The following SPTBN1 variants were observed in gnomAD, a reference collection of about 807,000 sequenced individuals.
The protein encoded by SPTBN1 is spectrin beta, non-erythrocytic 1.
SPTBN1 carries 32 observed loss-of-function variants against 266.4 expected under a neutral mutation model. The observed-to-expected ratio is 0.12, with a 90% confidence interval of 0.09 to 0.16. The LOEUF (loss-of-function observed/expected upper bound fraction) is 0.16. Ranked by LOEUF, SPTBN1 falls within the 10% of genes least tolerant of loss-of-function variation. SPTBN1 has a pLI of 1.00. For missense variants in SPTBN1, 2,296 were observed against 3,067.1 expected (o/e 0.75, Z 5.94); for synonymous variants, 1,336 against 1,162.2 (o/e 1.15, Z -3.04).
Position 54,526,487 on chromosome 2 carries a change from C to T in SPTBN1, c.69C>T (p.Asn23=), listed in dbSNP as rs1027392030. 6.2e-7 allele frequency: 1 copy of T among 1,614,082 alleles called. No homozygotes were observed. Among genetic ancestry groups the T allele is most frequent in the Non-Finnish European group, 8.5e-7 (1 of 1,180,048 alleles). The change falls in exon 2 of 36, where the codon AAC becomes AAT. Residue 23 remains asparagine (N), a synonymous_variant. Transcript: ENST00000356805. The stretch of plus-strand genomic sequence containing the variant: ...AGCAGCAGTACAGTGATGTCAACAA[C>T]CGCTGGGATGTCGACGACTGGGACA... The part of the protein sequence containing the change: ...EIQQQYSDVN[N]RWDVDDWDNE...
At chr2:54,661,793 C>T in intron 32 of SPTBN1, 3 of 985,370 alleles carry the variant, frequency 3.0e-6, no homozygotes, top group East Asian at 1.1e-4. Context: ...CCCAATTTGA[C>T]ACTTTTTGTA....
At chr2:54,569,167 G>A (rs1016798623) in intron 2 of SPTBN1, among the ~76,000 whole-genome samples, 1 of 152,142 alleles carries the variant, frequency 6.6e-6, no homozygotes, top group African/African-American at 2.4e-5. Flanking sequence ...CCCCTGGGAA[G>A]AAGAAAGGAA....
intron 1 of SPTBN1, among the ~76,000 whole-genome samples, chr2:54,478,115 G>T (rs1254517232): frequency 1.3e-5 from 2 of 152,088 alleles, no homozygotes; most frequent in Middle Eastern, 3.2e-3. Flanking sequence ...CAGGAATCAG[G>T]CTTAATGTAT....
At chr2:54,492,482 C>T (rs1329084464) in intron 1 of SPTBN1, among the ~76,000 whole-genome samples, 7 of 151,952 alleles carry the variant, frequency 4.6e-5, no homozygotes. Flanking sequence ...TTACTTAACA[C>T]CTTTTTCAAA....
intron 2 of SPTBN1, among the ~76,000 whole-genome samples, chr2:54,586,777 TAGG>T (rs1359157704): frequency 1.3e-5 from 2 of 152,208 alleles, no homozygotes; most frequent in African/African-American, 4.8e-5. Flanking sequence ...CCTCATTAAA[TAGG>T]AGAGCTGTCG....
chr2:54,529,515 C>G, intron 2 of SPTBN1: 1 of 707,758 alleles, frequency 1.4e-6, no homozygotes, highest in South Asian at 1.4e-5. Flanking sequence ...CTCTGGAGGC[C>G]GCCCAGATAT....
At chr2:54,605,295 C>T (rs928608269) in intron 3 of SPTBN1, among the ~76,000 whole-genome samples, 3 of 152,182 alleles carry the variant, frequency 2.0e-5, no homozygotes, top group Non-Finnish European at 4.4e-5. Context: ...GAAGCATGTA[C>T]CCCTCTTCCC....
intron 1 of SPTBN1, among the ~76,000 whole-genome samples, chr2:54,460,043 A>G (rs1042955281): frequency 6.6e-6 from 1 of 152,258 alleles, no homozygotes; most frequent in African/African-American, 2.4e-5. Context: ...AGGCATTTTC[A>G]TAATGTCCTT....
intron 9 of SPTBN1, 26 bp from the exon 10 acceptor site, chr2:54,623,453 A>G: frequency 6.2e-7 from 1 of 1,607,622 alleles, no homozygotes; most frequent in East Asian, 2.2e-5. Flanking sequence ...CTCCAGTACC[A>G]AATGAATGTT....
chr2:54,465,666 A>ATC (rs1553427345), intron 1 of SPTBN1, among the ~76,000 whole-genome samples: 4 of 137,800 alleles, frequency 2.9e-5, no homozygotes, highest in African/African-American at 8.1e-5. Context: ...ATATATATAT[A>ATC]TATCTCACAC....
chr2:54,596,534 C>A (rs185805069), intron 2 of SPTBN1, among the ~76,000 whole-genome samples: 1 of 152,094 alleles, frequency 6.6e-6, no homozygotes, highest in Non-Finnish European at 1.5e-5. Flanking sequence ...TGTGTCTTTT[C>A]CAACGTGGGG....
rs768397597 is a variant in SPTBN1, at chr2:54,653,845, G to C, written c.5814G>C (p.Glu1938Asp). ...TCATCCGGCAGATCGAGGCCCAGGA[G>C]AAGCCAAGGTAACGCTTTCAGCCCA... ...EDVIRQIEAQ[E>D]KPRDVSSVEL... Residue 1938 changes from glutamate (E) to aspartate (D), a missense_variant, in exon 27 of 36, where the codon GAG (glutamate) becomes GAC (aspartate). Around this residue, in one of 12 missense-constraint regions of SPTBN1, gnomAD observed 644 missense variants for 745.3 expected, o/e 0.86. Coordinates refer to ENST00000356805, the MANE Select transcript of SPTBN1 (RefSeq NM_003128.3). The surrounding 1 kb of genome is among the most constrained non-coding windows in gnomAD (Gnocchi z 5.1). 1.2e-6 allele frequency: 2 copies of C among 1,611,800 alleles called. No homozygotes were observed. The highest frequency in any genetic ancestry group is 1.7e-6 in the Non-Finnish European group (2 of 1,179,452).
At chr2:54,636,422 G>A (rs1301854313) in intron 17 of SPTBN1, among the ~76,000 whole-genome samples, 1 of 152,106 alleles carries the variant, frequency 6.6e-6, no homozygotes, top group Non-Finnish European at 1.5e-5. Flanking sequence ...GTAGCCACTG[G>A]TACCTGCAGG....
Position 54,649,156 on chromosome 2 carries a change from C to G in SPTBN1, c.5168C>G (p.Ser1723Cys). The G allele has an allele frequency of 6.2e-7, 1 of 1,611,036 alleles. No individual in the cohort carries two copies. Among genetic ancestry groups the G allele is most frequent in the Non-Finnish European group, 8.5e-7 (1 of 1,178,028 alleles). ...WIAEREVVAG[S>C]HELGQDYEHV... ...GCTGAGAGGGAGGTGGTCGCAGGGT[C>G]CCATGAACTGGGACAGGACTATGAG... Residue 1723 changes from serine (S) to cysteine (C), a missense_variant, in exon 25 of 36, where the codon TCC (serine) becomes TGC (cysteine). Physicochemically the swap from Ser to Cys is moderately radical, Grantham distance 112 (BLOSUM62 -1). Transcript: ENST00000356805. The surrounding 1 kb of genome is among the most constrained non-coding windows in gnomAD (Gnocchi z 6.7).
intron 1 of SPTBN1, among the ~76,000 whole-genome samples, chr2:54,482,785 A>G (rs1668165094): frequency 6.6e-6 from 1 of 152,162 alleles, no homozygotes; most frequent in South Asian, 2.1e-4. Flanking sequence ...AAAACATGGG[A>G]GGAGCATGAA....
chr2:54,633,508 C>G (rs1266796438), intron 17 of SPTBN1, among the ~76,000 whole-genome samples: 2 of 152,264 alleles, frequency 1.3e-5, no homozygotes. Context: ...AACTCTTTGA[C>G]TCACTCCTTA....
intron 17 of SPTBN1, among the ~76,000 whole-genome samples, chr2:54,633,980 C>CA (rs1678941958): frequency 1.3e-5 from 2 of 151,760 alleles, no homozygotes. Context: ...AAAACAGCTG[C>CA]AAAAAAGAAA....
chr2:54,509,310 A>T (rs1013845302), intron 1 of SPTBN1, among the ~76,000 whole-genome samples: 2 of 152,196 alleles, frequency 1.3e-5, no homozygotes, highest in Non-Finnish European at 2.9e-5. Flanking sequence ...CCGGGCCAGG[A>T]ACAATGGTAA....
rs954853538 is a variant in SPTBN1, at chr2:54,664,344, G to A, written c.6421-109G>A. On this transcript the variant is annotated intron_variant, in intron 32 of 35. Coordinates refer to ENST00000356805, the MANE Select transcript of SPTBN1 (RefSeq NM_003128.3). This position sits in a 1 kb window ranked among gnomAD's most constrained non-coding sequence, Gnocchi z 5.6. The stretch of plus-strand genomic sequence containing the variant: ...TGCAATGGTTTTACTGTACTGCCTC[G>A]ATCTGTGCCAGGCATTTATACACAG... 14 of 1,143,950 alleles carry A rather than the reference G, an allele frequency of 1.2e-5. No homozygotes were observed. The highest frequency in any genetic ancestry group is 1.2e-4 in the South Asian group (8 of 67,946). The allele number at this position is 1,143,950 out of a possible 1,614,324, so 70.9% of individuals were successfully genotyped here. A position where few individuals can be genotyped will look rare whatever the true frequency, so the allele number is the denominator to read the frequency against.
Sources: gnomAD v4.1 joint callset for allele counts (sites outside exome capture counted in the v4.1 genomes callset) on GRCh38, gnomAD v4.1.1 for gene constraint, gnomAD v4.1.1 regional missense constraint, Gnocchi (gnomAD v3.1) non-coding constraint, MANE v1.5 for transcripts, NCBI Gene and HGNC (gene_info 2026-07-23, HGNC 2026-07-21) for gene names.